CSPP1: variants seen among roughly 807,000 people sequenced by gnomAD.
CSPP1 encodes the protein centrosome and spindle pole associated protein 1, also known as centrosome and spindle pole-associated protein 1.
CSPP1 carries 126 observed loss-of-function variants against 164.4 expected under a neutral mutation model. The ratio of observed to expected loss-of-function variants is 0.77; its 90% CI spans 0.66 to 0.89. The LOEUF (loss-of-function observed/expected upper bound fraction) is 0.89, where lower values mean the gene tolerates loss of function less well. Among genes scored for constraint, CSPP1 ranks in the 40% least tolerant of loss-of-function variants. The pLI, the probability that CSPP1 is intolerant of heterozygous loss-of-function variation, is 0.00. For synonymous variants in CSPP1, 472 were observed against 476.7 expected (o/e 0.99, Z 0.13); for missense variants, 1,395 against 1,449.8 (o/e 0.96, Z 0.61).
rs779762140 is a variant in CSPP1, at chr8:67,163,763, C to G, written c.2675C>G (p.Pro892Arg). Residue 892 changes from proline to arginine, a missense_variant, in exon 23 of 31, where the codon CCG becomes CGG. Transcript: ENST00000678616. ...ESSMSRAQSPPVPARKNQLRA... is the reference protein window; with the variant it reads ...ESSMSRAQSPRVPARKNQLRA... ...TCCATGTCCAGGGCACAGTCACCCC[C>G]GGTACCTGCCAGGAAAAATCAGCTC... is the stretch of plus-strand genomic sequence containing the variant. 2.7e-5 allele frequency: 43 copies of G among 1,613,548 alleles called. No individual in the cohort carries two copies. In the South Asian group the frequency reaches 4.5e-4, roughly 17 times the overall value.
intron 21 of CSPP1, among the ~76,000 whole-genome samples, chr8:67,160,522 G>T (rs960520979): frequency 6.7e-6 from 1 of 149,250 alleles, no homozygotes; most frequent in Non-Finnish European, 1.5e-5. Context: ...TATATTTCTT[G>T]TAATTTCTTA....
intron 30 of CSPP1, 31 bp from the exon 31 acceptor site, chr8:67,195,351 A>G (rs1448583456): frequency 1.3e-6 from 2 of 1,491,446 alleles, no homozygotes; most frequent in East Asian, 4.5e-5. Flanking sequence ...CACCTGTGTT[A>G]CCTGAGCCAC....
chr8:67,132,044 G>A lies in CSPP1; in HGVS notation c.1791G>A (p.Gln597=), dbSNP rs1208460444. 1 of 1,613,634 alleles carries A rather than the reference G, an allele frequency of 6.2e-7. No individual in the cohort carries two copies. Among genetic ancestry groups the A allele is most frequent in the South Asian group, 1.1e-5 (1 of 90,984 alleles). Residue 597 remains glutamine, a synonymous_variant, in exon 16 of 31, where the codon CAG becomes CAA. Transcript: ENST00000678616. The stretch of plus-strand genomic sequence containing the variant: ...AAGATAAACCGAAACCTTCCAAACA[G>A]TCACTTCAGTCTTACCAAGAGGCTT... ...IFEDKPKPSK[Q]SLQSYQEALQ...
At chr8:67,193,381 G>A in intron 29 of CSPP1, 83 bp from the exon 30 acceptor site, 1 of 1,251,092 alleles carries the variant, frequency 8.0e-7, no homozygotes, top group African/African-American at 1.5e-5. Context: ...ACAGGTGATA[G>A]GCACCATGCC....
chr8:67,119,515 C>A (rs533932898), intron 15 of CSPP1, among the ~76,000 whole-genome samples: 151 of 152,248 alleles, frequency 9.9e-4, no homozygotes, highest in African/African-American at 3.5e-3. Context: ...CAGTAGGGCA[C>A]AAGGGTTCCA....
chr8:67,084,385 T>C (rs1227842654), intron 3 of CSPP1: 5 of 152,248 alleles, frequency 3.3e-5, no homozygotes, highest in Non-Finnish European at 7.3e-5. Context: ...CATCCACTTA[T>C]GTTTATATTA....
intron 3 of CSPP1, among the ~76,000 whole-genome samples, chr8:67,077,909 A>C (rs1808299565): frequency 1.3e-5 from 2 of 152,008 alleles, no homozygotes; most frequent in African/African-American, 4.8e-5. Flanking sequence ...CAGATAGATA[A>C]CTCTTTCCAT....
intron 15 of CSPP1, among the ~76,000 whole-genome samples, chr8:67,120,389 T>A (rs1818742888): frequency 6.6e-6 from 1 of 152,184 alleles, no homozygotes; most frequent in African/African-American, 2.4e-5. Flanking sequence ...AGTTTTTCTA[T>A]TTCTGCAAAA....
At chr8:67,101,186 G>T (rs184618935) in intron 7 of CSPP1, among the ~76,000 whole-genome samples, 1 of 152,270 alleles carries the variant, frequency 6.6e-6, no homozygotes, top group African/African-American at 2.4e-5. Flanking sequence ...GGTTTTTATT[G>T]TGGGATGGTT....
intron 9 of CSPP1, among the ~76,000 whole-genome samples, chr8:67,107,300 G>T (rs1815777848): frequency 6.6e-6 from 1 of 152,242 alleles, no homozygotes; most frequent in Admixed American, 6.5e-5. Context: ...TGCCTGCCTT[G>T]GCCTCCCAAA....
intron 9 of CSPP1, among the ~76,000 whole-genome samples, chr8:67,109,736 T>C (rs1816429423): frequency 2.0e-5 from 3 of 151,930 alleles, no homozygotes; most frequent in African/African-American, 7.3e-5. Context: ...TCCGAGAAAA[T>C]TAAGAAACAT....
intron 28 of CSPP1, among the ~76,000 whole-genome samples, chr8:67,186,032 T>C (rs752288074): frequency 2.6e-5 from 4 of 152,224 alleles, no homozygotes; most frequent in Non-Finnish European, 5.9e-5. Flanking sequence ...GTTCATTAAT[T>C]ATGTGAAGAA....
At chr8:67,169,846 C>A (rs899590966) in intron 24 of CSPP1, among the ~76,000 whole-genome samples, 1 of 152,180 alleles carries the variant, frequency 6.6e-6, no homozygotes, top group Non-Finnish European at 1.5e-5. Flanking sequence ...CCTCCTGATT[C>A]AAGTGATTCT....
At chr8:67,143,206 G>A (rs982029020) in intron 17 of CSPP1, among the ~76,000 whole-genome samples, 28 of 151,486 alleles carry the variant, frequency 1.8e-4, no homozygotes, top group African/African-American at 6.8e-4. Context: ...GTCTCTCTCT[G>A]TTCCATTGCT....
chr8:67,178,951 TG>T (rs1832333159), intron 27 of CSPP1, among the ~76,000 whole-genome samples: 1 of 152,226 alleles, frequency 6.6e-6, no homozygotes, highest in Non-Finnish European at 1.5e-5. Context: ...CTGTGCATTT[TG>T]ACTGAGTGGG....
intron 7 of CSPP1, among the ~76,000 whole-genome samples, 164 bp from the exon 8 acceptor site, chr8:67,102,873 A>G (rs1317932442): frequency 6.6e-6 from 1 of 152,254 alleles, no homozygotes; most frequent in Admixed American, 6.5e-5. Context: ...ATTAACCAGC[A>G]GATCATACAA....
intron 12 of CSPP1, chr8:67,114,586 A>T (rs554990633): frequency 2.0e-5 from 3 of 152,384 alleles, no homozygotes; most frequent in Admixed American, 6.5e-5. Flanking sequence ...CCTGTGGGTT[A>T]TCTATTTGGA....
intron 27 of CSPP1, 82 bp downstream of exon 27, chr8:67,177,808 T>A: frequency 1.0e-6 from 1 of 960,276 alleles, no homozygotes; most frequent in Non-Finnish European, 1.7e-6. Flanking sequence ...GTAATTCAAA[T>A]TTTGAATTAT....
chr8:67,112,656 C>T (rs1444122164), intron 10 of CSPP1, among the ~76,000 whole-genome samples: 8 of 152,166 alleles, frequency 5.3e-5, no homozygotes, highest in African/African-American at 9.7e-5. Context: ...GTCCTCTCTA[C>T]GTCTGACCTG....
Sources: gnomAD v4.1 joint callset for allele counts (sites outside exome capture counted in the v4.1 genomes callset) on GRCh38, gnomAD v4.1.1 for gene constraint, MANE v1.5 for transcripts, NCBI Gene and HGNC (gene_info 2026-07-23, HGNC 2026-07-21) for gene names.